Variants in PPFIA2 observed in about 807,000 individuals in gnomAD.
PPFIA2 encodes the protein liprin-alpha-2.
A neutral mutation model predicts 175.5 loss-of-function variants in PPFIA2; 46 were observed. That is an observed-to-expected ratio of 0.26 (90% CI 0.21 to 0.34). The LOEUF (loss-of-function observed/expected upper bound fraction) is 0.34. Among genes scored for constraint, PPFIA2 ranks in the 10% least tolerant of loss-of-function variants. PPFIA2 has a pLI of 1.00. For synonymous variants in PPFIA2, 568 were observed against 511.4 expected (o/e 1.11, Z -1.49); for missense variants, 1,179 against 1,506.1 (o/e 0.78, Z 3.60).
chr12:81,509,034 T>A (rs2061498136), intron 4 of PPFIA2, among the ~76,000 whole-genome samples: 1 of 152,024 alleles, frequency 6.6e-6, no homozygotes, highest in African/African-American at 2.4e-5. Context: ...TAAAAAATGA[T>A]GAGTTCATGT....
intron 4 of PPFIA2, among the ~76,000 whole-genome samples, chr12:81,570,257 A>G (rs2072251672): frequency 6.6e-6 from 1 of 152,200 alleles, no homozygotes. Flanking sequence ...TGACTTGACA[A>G]TTACATTTAA....
At chr12:81,503,160 C>T (rs906300725) in intron 4 of PPFIA2, among the ~76,000 whole-genome samples, 2 of 152,116 alleles carry the variant, frequency 1.3e-5, no homozygotes, top group African/African-American at 4.8e-5. Flanking sequence ...CTGCCACTGC[C>T]CTGGTCTGGA....
chr12:81,474,806 A>C (rs1379634037), intron 4 of PPFIA2, among the ~76,000 whole-genome samples: 3 of 152,190 alleles, frequency 2.0e-5, no homozygotes, highest in African/African-American at 7.2e-5. Context: ...GCCTTCTTCT[A>C]ATGAACTATA....
At chr12:81,700,227 T>C (rs940554179) in intron 3 of PPFIA2, among the ~76,000 whole-genome samples, 4 of 152,092 alleles carry the variant, frequency 2.6e-5, no homozygotes, top group African/African-American at 4.8e-5. Context: ...ATACTGATGA[T>C]GGCTAAACCT....
intron 4 of PPFIA2, among the ~76,000 whole-genome samples, chr12:81,469,319 T>C (rs1439320631): frequency 1.3e-5 from 2 of 152,182 alleles, no homozygotes; most frequent in African/African-American, 4.8e-5. Context: ...TAGGAGAGCC[T>C]GTGAAATTTT....
intron 28 of PPFIA2, among the ~76,000 whole-genome samples, chr12:81,273,007 A>G (rs1227762840): frequency 1.3e-5 from 2 of 152,284 alleles, no homozygotes; most frequent in African/African-American, 2.4e-5. Context: ...GATCTGTTTA[A>G]GTTTACCCTA....
chr12:81,597,922 A>C, intron 4 of PPFIA2: 1 of 1,529,498 alleles, frequency 6.5e-7, no homozygotes, highest in Non-Finnish European at 8.8e-7. Context: ...TTAACTTACT[A>C]AGTAGTGAAG....
At chr12:81,706,156 G>A (rs1344535678) in intron 3 of PPFIA2, among the ~76,000 whole-genome samples, 3 of 152,124 alleles carry the variant, frequency 2.0e-5, no homozygotes, top group Non-Finnish European at 4.4e-5. Flanking sequence ...AATAGGATGG[G>A]ACCAACTTAG....
In PPFIA2 at chr12:81,445,657, C is replaced by T; in HGVS notation, c.469G>A (p.Val157Ile). Reference protein sequence around the residue: ...RHERSLRMTVVKRQAQSPSGV... With the variant: ...RHERSLRMTVIKRQAQSPSGV... ...GAGGGAGACTGGGCTTGCCGTTTTA[C>T]CACCGTCATTCTTAGTGATCTTTCA... The change falls in exon 6 of 33, where the codon GTA becomes ATA. Residue 157 changes from valine (V) to isoleucine (I), a missense_variant. Coordinates refer to ENST00000549396, the MANE Select transcript of PPFIA2 (RefSeq NM_003625.5). The T allele has an allele frequency of 6.2e-7, 1 of 1,613,884 alleles. No individual in the cohort carries two copies. The highest frequency in any genetic ancestry group is 8.5e-7 in the Non-Finnish European group (1 of 1,179,842).
intron 4 of PPFIA2, 57 bp from the exon 5 acceptor site, chr12:81,457,923 A>T (rs1176171911): frequency 8.4e-7 from 1 of 1,184,324 alleles, no homozygotes; most frequent in East Asian, 2.5e-5. Flanking sequence ...GCAGAAAAAA[A>T]TTCAAAATAT....
chr12:81,465,020 C>T (rs1029778548), intron 4 of PPFIA2, among the ~76,000 whole-genome samples: 4 of 152,072 alleles, frequency 2.6e-5, no homozygotes, highest in Non-Finnish European at 5.9e-5. Flanking sequence ...ATAGGTAAGT[C>T]CCCACCTCAG....
intron 4 of PPFIA2, among the ~76,000 whole-genome samples, chr12:81,601,977 C>CT (rs1405333594): frequency 1.3e-5 from 2 of 151,802 alleles, no homozygotes; most frequent in Admixed American, 1.3e-4. Context: ...ATTCCTTCAA[C>CT]TTTTTTCCTT....
intron 5 of PPFIA2, among the ~76,000 whole-genome samples, chr12:81,447,976 T>G (rs1195886852): frequency 6.6e-6 from 1 of 152,166 alleles, no homozygotes; most frequent in Non-Finnish European, 1.5e-5. Flanking sequence ...ACAAAAATAA[T>G]GAAACCTTTA....
chr12:81,687,677 C>T (rs889080590), intron 3 of PPFIA2: 1 of 151,958 alleles, frequency 6.6e-6, no homozygotes, highest in African/African-American at 2.4e-5. Flanking sequence ...TCTGTGTGAC[C>T]TTAGGCTAAT....
chr12:81,351,140 T>G (rs1178906718), intron 17 of PPFIA2, among the ~76,000 whole-genome samples: 3 of 152,166 alleles, frequency 2.0e-5, no homozygotes, highest in African/African-American at 7.2e-5. Context: ...AAATGTTAAT[T>G]TGTCCAATTT....
chr12:81,305,510 A>G (rs1425138239), intron 22 of PPFIA2, among the ~76,000 whole-genome samples: 1 of 152,022 alleles, frequency 6.6e-6, no homozygotes, highest in African/African-American at 2.4e-5. Context: ...TACCTACTGT[A>G]TCTATTCTCT....
intron 4 of PPFIA2, among the ~76,000 whole-genome samples, chr12:81,573,431 A>T (rs2072938832): frequency 6.6e-6 from 1 of 151,918 alleles, no homozygotes; most frequent in African/African-American, 2.4e-5. Flanking sequence ...CTAACCATCT[A>T]TGTTGAAAAA....
intron 17 of PPFIA2, among the ~76,000 whole-genome samples, chr12:81,348,353 C>T (rs2059422904): frequency 6.6e-6 from 1 of 152,028 alleles, no homozygotes; most frequent in African/African-American, 2.4e-5. Flanking sequence ...TTAGCCAAGC[C>T]TCCTTTAAAT....
At chr12:81,409,279 T>C (rs73356645) in intron 7 of PPFIA2, among the ~76,000 whole-genome samples, 4,502 of 152,240 alleles carry the variant, frequency 0.03, 208 homozygotes, top group African/African-American at 0.1. Flanking sequence ...TCTGGATGCC[T>C]CACCACTAAA....
Sources: allele counts gnomAD v4.1 joint callset (sites outside exome capture counted in the v4.1 genomes callset), GRCh38; gene constraint gnomAD v4.1.1; transcripts MANE v1.5; gene names NCBI Gene and HGNC (gene_info 2026-07-23, HGNC 2026-07-21).